The following PHACTR3 variants were observed in gnomAD, a reference collection of about 807,000 sequenced individuals.
The protein encoded by PHACTR3 is phosphatase and actin regulator 3, also known as protein phosphatase 1, regulatory subunit 123.
A neutral mutation model predicts 66.8 loss-of-function variants in PHACTR3; 16 were observed. The ratio of observed to expected loss-of-function variants is 0.24; its 90% CI spans 0.16 to 0.36. The LOEUF (loss-of-function observed/expected upper bound fraction) is 0.36, where lower values mean the gene tolerates loss of function less well. Among genes scored for constraint, PHACTR3 ranks in the 10% least tolerant of loss-of-function variants. The pLI is 1.00. For missense variants in PHACTR3, 647 were observed against 719.9 expected (o/e 0.90, Z 1.16); for synonymous variants, 323 against 292.1 (o/e 1.11, Z -1.08).
intron 1 of PHACTR3, among the ~76,000 whole-genome samples, chr20:59,629,843 C>T (rs907116976): frequency 1.3e-5 from 2 of 152,218 alleles, no homozygotes; most frequent in Non-Finnish European, 2.9e-5. Context: ...CGTCTTCCCA[C>T]TGACTGATGG....
At chr20:59,628,076 C>T (rs887475397) in intron 1 of PHACTR3, 1 of 152,358 alleles carries the variant, frequency 6.6e-6, no homozygotes, top group East Asian at 1.9e-4. Context: ...CAAATGCCTT[C>T]AGTGACAGGA....
At chr20:59,610,951 C>T (rs2033827539) in intron 1 of PHACTR3, among the ~76,000 whole-genome samples, 1 of 152,254 alleles carries the variant, frequency 6.6e-6, no homozygotes, top group Non-Finnish European at 1.5e-5. Flanking sequence ...CCTATCCACA[C>T]AGAACTCATT....
At position 59,588,196 on chromosome 20, in the gene PHACTR3, C is replaced by T. The variant is rs963212856; in HGVS notation, c.109+10579C>T. Among the ~76,000 whole-genome samples, 12 of 152,198 alleles carry T rather than the reference C, an allele frequency of 7.9e-5. 2 individuals carry two copies. Among genetic ancestry groups the T allele is most frequent in the Admixed American group, 3.3e-4 (5 of 15,284 alleles). On this transcript the variant is annotated intron_variant, in intron 1 of 12. Transcript: ENST00000359926. ...ACCTCTCACTTAAACAGCACATAAACTCATATGTGAGGCTCTGATTTGTAG... is the reference window on the plus strand; with the variant it reads ...ACCTCTCACTTAAACAGCACATAAATTCATATGTGAGGCTCTGATTTGTAG...
At chr20:59,721,182 C>G (rs1264003523) in intron 1 of PHACTR3, 2 of 152,252 alleles carry the variant, frequency 1.3e-5, no homozygotes, top group African/African-American at 2.4e-5. Context: ...TGTAACTTGC[C>G]CAAGTTTGAA....
intron 1 of PHACTR3, among the ~76,000 whole-genome samples, chr20:59,586,906 G>A (rs1802092024): frequency 6.6e-6 from 1 of 152,366 alleles, no homozygotes; most frequent in South Asian, 2.1e-4. Context: ...AGCCTGGACA[G>A]TCTGCTGGAT....
At chr20:59,717,717 T>C (rs561803909) in intron 1 of PHACTR3, among the ~76,000 whole-genome samples, 192 of 152,316 alleles carry the variant, frequency 1.3e-3, no homozygotes, top group African/African-American at 4.5e-3. Flanking sequence ...AGAAGAAAAC[T>C]ACTTGCTTAA....
chr20:59,583,144 C>T (rs1034092733), intron 1 of PHACTR3, among the ~76,000 whole-genome samples: 2 of 152,080 alleles, frequency 1.3e-5, no homozygotes, highest in African/African-American at 4.8e-5. Flanking sequence ...TTTTTCTTTG[C>T]ATTTATTTTT....
chr20:59,585,070 G>C (rs1330525611), intron 1 of PHACTR3, among the ~76,000 whole-genome samples: 24 of 152,214 alleles, frequency 1.6e-4, no homozygotes, highest in Non-Finnish European at 8.8e-5. Context: ...ACGTGAGCGG[G>C]GCCTCGGGTC....
chr20:59,771,862 T>C (rs1423698900), intron 5 of PHACTR3, among the ~76,000 whole-genome samples: 1 of 152,218 alleles, frequency 6.6e-6, no homozygotes, highest in Non-Finnish European at 1.5e-5. Context: ...CATCCCAGGA[T>C]TGTATTGGAA....
At chr20:59,680,016 C>T (rs1438395850) in intron 1 of PHACTR3, among the ~76,000 whole-genome samples, 2 of 152,028 alleles carry the variant, frequency 1.3e-5, no homozygotes, top group African/African-American at 2.4e-5. Context: ...TCTGCTTGTT[C>T]TTTCCTCCTT....
intron 8 of PHACTR3, among the ~76,000 whole-genome samples, chr20:59,823,912 G>C (rs1042100285): frequency 1.3e-5 from 2 of 152,214 alleles, no homozygotes; most frequent in African/African-American, 4.8e-5. Flanking sequence ...GGTACAAATA[G>C]GTTTGGGAAC....
In PHACTR3 at chr20:59,608,904, C is replaced by T. The variant is rs1160268731; in HGVS notation, c.118+3772C>T. Among the ~76,000 whole-genome samples, 27 of 152,228 alleles carry T rather than the reference C, an allele frequency of 1.8e-4. 1 individual carries two copies. The highest frequency in any genetic ancestry group is 1.6e-3 in the Admixed American group (25 of 15,284). ...GGACTGTCCCTTCTAGACTGGGAGC[C>T]TCTTGAGGACAGGGGGCTTGACCAT... On this transcript the variant is annotated intron_variant, in intron 1 of 12. Transcript: ENST00000371015.
chr20:59,723,107 T>TTTCTTTCG (rs1568747254), intron 1 of PHACTR3, among the ~76,000 whole-genome samples: 2 of 148,810 alleles, frequency 1.3e-5, no homozygotes, highest in South Asian at 2.1e-4. Flanking sequence ...TCTTTCTTTC[T>TTTCTTTCG]TTCTTTCTTT....
At chr20:59,687,429 C>T (rs577723650) in intron 1 of PHACTR3, among the ~76,000 whole-genome samples, 136 of 152,140 alleles carry the variant, frequency 8.9e-4, no homozygotes, top group African/African-American at 2.7e-3. Flanking sequence ...AAAGGTAGGG[C>T]GCAGGAAGTG....
At chr20:59,759,641 G>A (rs1209108132) in intron 4 of PHACTR3, among the ~76,000 whole-genome samples, 1 of 152,190 alleles carries the variant, frequency 6.6e-6, no homozygotes, top group African/African-American at 2.4e-5. Flanking sequence ...GTGAGGCAAC[G>A]TGGTCCTAGG....
chr20:59,777,752 G>A (rs915945347), intron 7 of PHACTR3, among the ~76,000 whole-genome samples: 4 of 152,130 alleles, frequency 2.6e-5, no homozygotes, highest in African/African-American at 9.7e-5. Context: ...TCTGTGTCCC[G>A]TGGTGTGTCC....
At chr20:59,804,156 G>T (rs767389749) in intron 7 of PHACTR3, among the ~76,000 whole-genome samples, 18 of 152,190 alleles carry the variant, frequency 1.2e-4, no homozygotes, top group Non-Finnish European at 2.6e-4. Flanking sequence ...AGATCAGTCA[G>T]ATCTGTAAGT....
intron 1 of PHACTR3, among the ~76,000 whole-genome samples, chr20:59,727,130 C>A (rs780711871): frequency 3.9e-5 from 6 of 152,104 alleles, no homozygotes; most frequent in African/African-American, 1.2e-4. Flanking sequence ...TACTTTCTGT[C>A]TGTATGAATT....
intron 2 of PHACTR3, among the ~76,000 whole-genome samples, chr20:59,744,468 T>C (rs2039292377): frequency 6.6e-6 from 1 of 152,188 alleles, no homozygotes; most frequent in African/African-American, 2.4e-5. Context: ...GAACCAGCCC[T>C]GGCGAGTGCC....
Sources: gnomAD v4.1 joint callset for allele counts (sites outside exome capture counted in the v4.1 genomes callset) on GRCh38, gnomAD v4.1.1 for gene constraint, MANE v1.5 for transcripts, NCBI Gene and HGNC (gene_info 2026-07-23, HGNC 2026-07-21) for gene names.